The following THEMIS variants were observed in gnomAD, a reference collection of about 807,000 sequenced individuals.
THEMIS encodes protein THEMIS.
A neutral mutation model predicts 52.6 loss-of-function variants in THEMIS; 37 were observed. The observed-to-expected ratio is 0.70, with a 90% CI of 0.54 to 0.93. The LOEUF (loss-of-function observed/expected upper bound fraction) is 0.93, where lower values mean the gene tolerates loss of function less well. THEMIS is among the 40% of genes least tolerant of loss of function. THEMIS has a pLI of 0.00. For missense variants in THEMIS, 808 were observed against 763.1 expected (o/e 1.06, Z -0.69); for synonymous variants, 292 against 272.7 (o/e 1.07, Z -0.70).
intron 5 of THEMIS, among the ~76,000 whole-genome samples, chr6:127,712,272 A>G (rs568551999): frequency 6.6e-6 from 1 of 152,014 alleles, no homozygotes; most frequent in Admixed American, 6.6e-5. Context: ...GTTTTAGAAG[A>G]GACCTTATAC....
chr6:127,916,747 A>C (rs1268564810), intron 1 of THEMIS, among the ~76,000 whole-genome samples: 2 of 152,200 alleles, frequency 1.3e-5, no homozygotes, highest in African/African-American at 2.4e-5. Context: ...CATAAAATAA[A>C]TTTCCTTTTT....
At chr6:127,730,277 T>TAAAGAAAAGC (rs1774722142) in intron 4 of THEMIS, among the ~76,000 whole-genome samples, 2 of 54,672 alleles carry the variant, frequency 3.7e-5, no homozygotes, top group African/African-American at 5.8e-5. Context: ...CTATAGGAAA[T>TAAAGAAAAGC]AAAGAAAAGA....
intron 4 of THEMIS, among the ~76,000 whole-genome samples, chr6:127,782,576 C>T (rs1180449140): frequency 6.6e-6 from 1 of 152,202 alleles, no homozygotes; most frequent in Non-Finnish European, 1.5e-5. Flanking sequence ...CTTGCACTTC[C>T]CTGGTGAGGC....
chr6:127,805,051 T>G (rs543961944), intron 4 of THEMIS, among the ~76,000 whole-genome samples: 1 of 152,254 alleles, frequency 6.6e-6, no homozygotes, highest in African/African-American at 2.4e-5. Context: ...AACAGTGGAT[T>G]TATTATACAT....
chr6:127,907,710 G>C (rs188838485), intron 1 of THEMIS, among the ~76,000 whole-genome samples: 12 of 151,922 alleles, frequency 7.9e-5, no homozygotes, highest in African/African-American at 2.9e-4. Context: ...AGAAGGAATG[G>C]GTATGTGATA....
chr6:127,720,694 T>C (rs901436006), intron 4 of THEMIS, among the ~76,000 whole-genome samples: 2 of 152,020 alleles, frequency 1.3e-5, no homozygotes, highest in Non-Finnish European at 2.9e-5. Context: ...GTAGACCATA[T>C]ATTGCATGAA....
At chr6:127,746,274 G>A (rs1189001847) in intron 4 of THEMIS, among the ~76,000 whole-genome samples, 3 of 151,742 alleles carry the variant, frequency 2.0e-5, no homozygotes, top group Non-Finnish European at 4.4e-5. Flanking sequence ...TGCAAGAGAT[G>A]CTGTGAAAGA....
At chr6:127,847,452 C>T (rs1365822421) in intron 2 of THEMIS, among the ~76,000 whole-genome samples, 1 of 151,958 alleles carries the variant, frequency 6.6e-6, no homozygotes, top group Non-Finnish European at 1.5e-5. Context: ...GTTACAAAAT[C>T]AATGTACACA....
At chr6:127,843,371 T>C (rs2114702456) in intron 2 of THEMIS, among the ~76,000 whole-genome samples, 1 of 152,034 alleles carries the variant, frequency 6.6e-6, no homozygotes, top group Non-Finnish European at 1.5e-5. Flanking sequence ...ACTGTACCAT[T>C]AACGTAGCCA....
chr6:127,892,264 C>T (rs2114475398), intron 1 of THEMIS, among the ~76,000 whole-genome samples: 1 of 152,314 alleles, frequency 6.6e-6, no homozygotes, highest in Middle Eastern at 3.4e-3. Flanking sequence ...GTAGTTTGCA[C>T]TTGTTCTGTC....
chr6:127,868,153 G>A (rs989295696), intron 1 of THEMIS, among the ~76,000 whole-genome samples: 2 of 151,984 alleles, frequency 1.3e-5, no homozygotes, highest in African/African-American at 2.4e-5. Flanking sequence ...GCTTTTTTGA[G>A]CATCAAATAA....
At chr6:127,759,737 G>A (rs270008) in intron 4 of THEMIS, among the ~76,000 whole-genome samples, 43,632 of 151,728 alleles carry the variant, frequency 0.29, 7,346 homozygotes, top group Non-Finnish European at 0.39. Context: ...AAGGTTTTTC[G>A]TATGTTGTTT....
intron 4 of THEMIS, among the ~76,000 whole-genome samples, chr6:127,720,583 C>T (rs1227072098): frequency 6.6e-6 from 1 of 151,948 alleles, no homozygotes; most frequent in African/African-American, 2.4e-5. Flanking sequence ...TGTGAAGATT[C>T]TCAGCGTAAA....
In THEMIS at chr6:127,714,290, A is replaced by G. The variant is rs183740069; in HGVS notation, c.1895-4274T>C. Reference sequence around the variant, plus strand: ...TACCATTACTTGACTGTGCTGATAGAACACTAAAGCAGTCATAGACAATGT... The same window carrying G: ...TACCATTACTTGACTGTGCTGATAGGACACTAAAGCAGTCATAGACAATGT... On this transcript the variant is annotated intron_variant, in intron 5 of 5. Transcript: ENST00000368248. 7.9e-3 allele frequency among the ~76,000 whole-genome samples: 1,202 copies of G among 152,088 alleles called. 76 individuals carry two copies. The highest frequency in any genetic ancestry group is 0.071 in the Admixed American group (1,088 of 15,244).
At chr6:127,759,757 T>C (rs948087374) in intron 4 of THEMIS, among the ~76,000 whole-genome samples, 4 of 151,898 alleles carry the variant, frequency 2.6e-5, no homozygotes, top group Admixed American at 2.0e-4. Flanking sequence ...TATTTTCCTT[T>C]TCTTCTTTCT....
chr6:127,747,414 T>C (rs1458434251), intron 4 of THEMIS, among the ~76,000 whole-genome samples: 4 of 147,108 alleles, frequency 2.7e-5, no homozygotes, highest in Non-Finnish European at 6.0e-5. Context: ...ATTATAGATG[T>C]AGATATGAAT....
chr6:127,720,931 C>G (rs1189490776), intron 4 of THEMIS, among the ~76,000 whole-genome samples: 1 of 151,870 alleles, frequency 6.6e-6, no homozygotes, highest in Non-Finnish European at 1.5e-5. Flanking sequence ...CATTCTTCAC[C>G]CATCTCTGTA....
Position 127,912,873 on chromosome 6 carries a change from T to C in THEMIS, c.-150+5555A>G, listed in dbSNP as rs538588713. ...AGGCCAAATGTTGTTTGTTTTGCCT[T>C]ACAAAGTCCAACTGCTTTCATGTTG... is the stretch of plus-strand genomic sequence containing the variant. On this transcript the variant is annotated intron_variant, in intron 1 of 6. Coordinates refer to the THEMIS transcript ENST00000368250. 2.0e-5 allele frequency among the ~76,000 whole-genome samples: 3 copies of C among 152,346 alleles called. No individual in the cohort carries two copies. In the East Asian group the frequency reaches 5.8e-4, roughly 29 times the overall value.
At chr6:127,744,943 G>A (rs182430249) in intron 4 of THEMIS, among the ~76,000 whole-genome samples, 10 of 151,858 alleles carry the variant, frequency 6.6e-5, no homozygotes, top group African/African-American at 2.4e-4. Flanking sequence ...AATATCAAGG[G>A]TGTTTACTTA....
Sources: gnomAD v4.1 joint callset for allele counts (sites outside exome capture counted in the v4.1 genomes callset) on GRCh38, gnomAD v4.1.1 for gene constraint, MANE v1.5 for transcripts, NCBI Gene and HGNC (gene_info 2026-07-23, HGNC 2026-07-21) for gene names.